Variants in TTC23 observed in about 807,000 individuals in gnomAD.
TTC23 encodes the protein tetratricopeptide repeat protein 23.
TTC23 carries 58 observed loss-of-function variants against 55.1 expected under a neutral mutation model. The observed-to-expected ratio is 1.05, with a 90% CI of 0.85 to 1.31. The LOEUF (loss-of-function observed/expected upper bound fraction) is 1.31. Ranked by LOEUF, TTC23 falls within the 50% of genes most tolerant of loss-of-function variation. The pLI, the probability that TTC23 is intolerant of heterozygous loss-of-function variation, is 0.00. For missense variants in TTC23, 516 were observed against 534.4 expected (o/e 0.97, Z 0.34); for synonymous variants, 203 against 199.9 (o/e 1.02, Z -0.13).
chr15:99,156,363 T>C, intron 11 of TTC23, 66 bp from the exon 12 acceptor site: 1 of 1,572,582 alleles, frequency 6.4e-7, no homozygotes, highest in Admixed American at 1.7e-5. Flanking sequence ...ATTACGCAAC[T>C]TGTAACATTT....
chr15:99,233,143 A>T (rs2079061127), intron 4 of TTC23, among the ~76,000 whole-genome samples: 1 of 152,232 alleles, frequency 6.6e-6, no homozygotes, highest in Non-Finnish European at 1.5e-5. Context: ...GAGGAGGAAT[A>T]AATTCAAGAG....
chr15:99,214,589 A>G lies in TTC23; in HGVS notation c.581+3999T>C, dbSNP rs2077308859. Among the ~76,000 whole-genome samples, 3 of 149,990 alleles carry G rather than the reference A, an allele frequency of 2.0e-5. No individual in the cohort carries two copies. The South Asian group carries it at 6.4e-4, about 32-fold the overall frequency. ...TATAGGTGAGCACCACCACACTTGG[A>G]TAAATTAAAAAATATTTTTGTAGAG... On this transcript the variant is annotated intron_variant, in intron 8 of 13. Coordinates refer to ENST00000394132, the MANE Select transcript of TTC23 (RefSeq NM_001288615.3).
chr15:99,206,073 T>C (rs1329859002), intron 8 of TTC23, among the ~76,000 whole-genome samples: 7 of 152,246 alleles, frequency 4.6e-5, no homozygotes, highest in African/African-American at 7.2e-5. Flanking sequence ...TCAGCATCTA[T>C]TGAAATGATC....
chr15:99,198,238 C>G (rs2075906249), intron 9 of TTC23, among the ~76,000 whole-genome samples: 1 of 152,180 alleles, frequency 6.6e-6, no homozygotes, highest in African/African-American at 2.4e-5. Context: ...GGCTCATCAC[C>G]TAAAACACAG....
intron 2 of TTC23, among the ~76,000 whole-genome samples, 163 bp downstream of exon 2, chr15:99,245,226 T>C (rs1229193980): frequency 6.6e-6 from 1 of 152,088 alleles, no homozygotes; most frequent in African/African-American, 2.4e-5. Flanking sequence ...AAATGACATA[T>C]AGAGGCCGGG....
rs1467778676 is a variant in TTC23, at chr15:99,218,616, C to A, written c.553G>T (p.Glu185Ter). ...RIIKEEWIEIEARIRLSFAQV... is the reference protein window; with the variant it reads ...RIIKEEWIEI ...GCAAATGATAATCTGATCCGTGCTT[C>A]AATTTCTATCCATTCTTCCTTTATA... The change falls in exon 8 of 14, where the codon GAA becomes TAA. Residue 185 changes from glutamate to a stop codon, truncating the protein, a stop_gained. Transcript: ENST00000394132. LOFTEE classifies it high-confidence loss of function. 6.2e-7 allele frequency: 1 copy of A among 1,614,098 alleles called. No individual in the cohort carries two copies. Among genetic ancestry groups the A allele is most frequent in the Admixed American group, 1.7e-5 (1 of 60,012 alleles).
At chr15:99,201,397 C>T (rs566891407) in intron 8 of TTC23, among the ~76,000 whole-genome samples, 1 of 152,232 alleles carries the variant, frequency 6.6e-6, no homozygotes. Context: ...TCCTATGTTG[C>T]CCTCCACTCC....
chr15:99,154,479 G>A (rs572532286), intron 12 of TTC23, among the ~76,000 whole-genome samples: 1 of 152,256 alleles, frequency 6.6e-6, no homozygotes, highest in East Asian at 1.9e-4. Flanking sequence ...GTTTGGTTAT[G>A]AAAGGCTGAG....
intron 4 of TTC23, 26 bp from the exon 5 acceptor site, chr15:99,228,758 T>C (rs1176191579): frequency 6.8e-7 from 1 of 1,461,618 alleles, no homozygotes; most frequent in Non-Finnish European, 9.2e-7. Flanking sequence ...AAAACAAAGA[T>C]GTTAAATGAT....
chr15:99,226,807 C>T (rs1256011926), intron 5 of TTC23, among the ~76,000 whole-genome samples: 2 of 152,162 alleles, frequency 1.3e-5, no homozygotes, highest in East Asian at 1.9e-4. Context: ...CCTGATCACC[C>T]TACCCAAGAC....
In TTC23 at chr15:99,191,350, T is replaced by C. The variant is rs114264859; in HGVS notation, c.759+8569A>G. On this transcript the variant is annotated intron_variant, in intron 9 of 13. Transcript: ENST00000394132. ...GCTTCTCTAAACCAAACTCAGATCT[T>C]TGAATGCATACTGTTGGTGTTGGCT... Among the ~76,000 whole-genome samples, 1,473 of 152,336 alleles carry C rather than the reference T, an allele frequency of 9.7e-3. 25 individuals are homozygous for C. The highest frequency in any genetic ancestry group is 0.034 in the African/African-American group (1,424 of 41,552).
intron 11 of TTC23, chr15:99,160,441 T>A (rs1007032441): frequency 6.6e-6 from 1 of 152,098 alleles, no homozygotes; most frequent in East Asian, 1.9e-4. Flanking sequence ...AAAAATACAG[T>A]GTAACAACTA....
intron 12 of TTC23, among the ~76,000 whole-genome samples, chr15:99,142,157 T>A (rs527813736): frequency 6.6e-4 from 100 of 152,272 alleles, no homozygotes; most frequent in African/African-American, 2.3e-3. Context: ...GACATGTTTT[T>A]GACAGCCATG....
intron 8 of TTC23, among the ~76,000 whole-genome samples, chr15:99,202,722 C>T (rs1254351136): frequency 6.6e-6 from 1 of 152,056 alleles, no homozygotes; most frequent in African/African-American, 2.4e-5. Flanking sequence ...TACCTGACTC[C>T]CAGAGAAAAT....
At chr15:99,172,533 C>T (rs370909553) in intron 10 of TTC23, among the ~76,000 whole-genome samples, 5 of 152,202 alleles carry the variant, frequency 3.3e-5, no homozygotes, top group African/African-American at 1.2e-4. Context: ...TATAACATGA[C>T]ATGGCATAAA....
intron 8 of TTC23, among the ~76,000 whole-genome samples, chr15:99,205,624 A>G (rs1011551911): frequency 1.3e-5 from 2 of 151,170 alleles, no homozygotes; most frequent in African/African-American, 2.4e-5. Flanking sequence ...CTGTTGGCAT[A>G]CAGAAATGCT....
At chr15:99,226,707 T>C (rs1397024374) in intron 5 of TTC23, among the ~76,000 whole-genome samples, 1 of 152,148 alleles carries the variant, frequency 6.6e-6, no homozygotes, top group Non-Finnish European at 1.5e-5. Context: ...CTGTTTCCTC[T>C]CCCTGGAACT....
At position 99,192,762 on chromosome 15, in the gene TTC23, C is replaced by T. The variant is rs151029962; in HGVS notation, c.759+7157G>A. ...GCTGTGAGAAGAGGGCCACCGTCCT[C>T]CAGACCCCAGAATAGTAGATCCATT... On this transcript the variant is annotated intron_variant, in intron 9 of 13. Transcript: ENST00000394132. Among the ~76,000 whole-genome samples the T allele has an allele frequency of 4.7e-3, 714 of 152,280 alleles. 3 individuals are homozygous for T. The highest frequency in any genetic ancestry group is 0.01 in the Middle Eastern group (3 of 294).
In TTC23 at chr15:99,214,030, C is replaced by T. The variant is rs113412542; in HGVS notation, c.581+4558G>A. 2.1e-3 allele frequency among the ~76,000 whole-genome samples: 324 copies of T among 152,310 alleles called. 4 individuals carry two copies. The highest frequency in any genetic ancestry group is 7.3e-3 in the African/African-American group (305 of 41,566). ...AACAATGGTATATGAGAGAGCATATCAGAGAATCACATCCTTCCAAATGTT... is the reference window on the plus strand; with the variant it reads ...AACAATGGTATATGAGAGAGCATATTAGAGAATCACATCCTTCCAAATGTT... On this transcript the variant is annotated intron_variant, in intron 8 of 13. Coordinates refer to ENST00000394132, the MANE Select transcript of TTC23 (RefSeq NM_001288615.3).
Sources: gnomAD v4.1 joint callset for allele counts (sites outside exome capture counted in the v4.1 genomes callset) on GRCh38, gnomAD v4.1.1 for gene constraint, MANE v1.5 for transcripts, NCBI Gene and HGNC (gene_info 2026-07-23, HGNC 2026-07-21) for gene names.